Variants in TRPM6 observed in about 807,000 individuals in gnomAD.
TRPM6 encodes transient receptor potential cation channel subfamily M member 6.
TRPM6 carries 111 observed loss-of-function variants against 247.6 expected under a neutral mutation model. The ratio of observed to expected loss-of-function variants is 0.45; its 90% CI spans 0.38 to 0.52. The LOEUF (loss-of-function observed/expected upper bound fraction) is 0.52, where lower values mean the gene tolerates loss of function less well. Ranked by LOEUF, TRPM6 falls within the 20% of genes least tolerant of loss-of-function variation. The pLI is 0.00. For missense variants in TRPM6, 2,126 were observed against 2,421.5 expected (o/e 0.88, Z 2.56); for synonymous variants, 892 against 853.8 (o/e 1.04, Z -0.78).
intron 3 of TRPM6, among the ~76,000 whole-genome samples, 196 bp downstream of exon 3, chr9:74,855,331 A>G (rs542934210): frequency 1.3e-5 from 2 of 152,346 alleles, no homozygotes; most frequent in East Asian, 3.9e-4. Context: ...GCCAATTTAC[A>G]TGTCTCAGTA....
intron 1 of TRPM6, among the ~76,000 whole-genome samples, chr9:74,866,055 C>T (rs1213136887): frequency 6.6e-6 from 1 of 152,184 alleles, no homozygotes; most frequent in Admixed American, 6.5e-5. Flanking sequence ...AATCCCAGCA[C>T]TTTGGGAGGC....
chr9:74,787,964 C>G (rs993819167), intron 20 of TRPM6, among the ~76,000 whole-genome samples: 1 of 152,110 alleles, frequency 6.6e-6, no homozygotes, highest in Non-Finnish European at 1.5e-5. Flanking sequence ...ATCTGCCTGC[C>G]TCGGCCTCCC....
chr9:74,761,612 C>T, intron 27 of TRPM6, 84 bp downstream of exon 27: 1 of 852,654 alleles, frequency 1.2e-6, no homozygotes, highest in Non-Finnish European at 2.0e-6. Flanking sequence ...GTAGATGGCA[C>T]TTTACAGTAA....
At chr9:74,828,082 G>GA in intron 6 of TRPM6, 133 bp from the exon 7 acceptor site, 2 of 926,194 alleles carry the variant, frequency 2.2e-6, no homozygotes, top group East Asian at 2.5e-5. Context: ...GGCCAGGCAT[G>GA]GTGGCTCATG....
chr9:74,820,498 A>G (rs1829100101), intron 8 of TRPM6, 71 bp from the exon 9 acceptor site: 3 of 1,582,210 alleles, frequency 1.9e-6, no homozygotes, highest in African/African-American at 1.3e-5. Flanking sequence ...GTACAAGAAA[A>G]CACCCCATCA....
intron 18 of TRPM6, among the ~76,000 whole-genome samples, chr9:74,794,691 A>C (rs562701689): frequency 1.3e-5 from 2 of 152,170 alleles, no homozygotes; most frequent in African/African-American, 2.4e-5. Flanking sequence ...GACAGTTTGG[A>C]GTGAATTATA....
intron 32 of TRPM6, among the ~76,000 whole-genome samples, chr9:74,743,743 C>G (rs1263397815): frequency 6.6e-6 from 1 of 152,206 alleles, no homozygotes; most frequent in Non-Finnish European, 1.5e-5. Flanking sequence ...CCTCAAGGAA[C>G]TACTTTCAGG....
At chr9:74,820,573 C>T (rs1039762901) in intron 8 of TRPM6, 146 bp from the exon 9 acceptor site, 10 of 979,604 alleles carry the variant, frequency 1.0e-5, no homozygotes, top group African/African-American at 3.2e-5. Context: ...GGGGAGCAAA[C>T]GGAAGCAGGA....
At chr9:74,866,276 A>G (rs1483545678) in intron 1 of TRPM6, among the ~76,000 whole-genome samples, 2 of 152,234 alleles carry the variant, frequency 1.3e-5, no homozygotes, top group Non-Finnish European at 2.9e-5. Context: ...CACAAAGAAG[A>G]CACAACTGGA....
In TRPM6 at chr9:74,851,758, A is replaced by AT. The variant is rs200466068; in HGVS notation, c.152+3768_152+3769insA. On this transcript the variant is annotated intron_variant, in intron 3 of 38. Transcript: ENST00000360774. ...AGCTAGACTTTGTCTCAAAAAAAAAAAAAAAATATATATATATAATACATA... is the reference window on the plus strand; with the variant it reads ...AGCTAGACTTTGTCTCAAAAAAAAAATAAAAAATATATATATATAATACATA... Among the ~76,000 whole-genome samples the AT allele has an allele frequency of 2.2e-3, 303 of 139,454 alleles. 3 individuals carry two copies. Among genetic ancestry groups the AT allele is most frequent in the African/African-American group, 7.8e-3 (293 of 37,802 alleles). 91.5% of individuals were successfully genotyped at this position (139,454 alleles called of 152,430 possible). A position where few individuals can be genotyped will look rare whatever the true frequency, so the allele number is the denominator to read the frequency against.
chr9:74,867,028 T>C (rs971526639), intron 1 of TRPM6, among the ~76,000 whole-genome samples: 1 of 152,234 alleles, frequency 6.6e-6, no homozygotes, highest in Non-Finnish European at 1.5e-5. Context: ...CACTGTCTTA[T>C]GTTTTTGCAA....
intron 6 of TRPM6, among the ~76,000 whole-genome samples, chr9:74,831,179 C>T (rs962471783): frequency 2.6e-5 from 4 of 152,032 alleles, no homozygotes; most frequent in Non-Finnish European, 5.9e-5. Flanking sequence ...CCTTGGCCTC[C>T]AGATGTGCTC....
intron 1 of TRPM6, 146 bp downstream of exon 1, chr9:74,887,678 C>G (rs541605301): frequency 1.9e-6 from 3 of 1,604,596 alleles, no homozygotes; most frequent in East Asian, 4.5e-5. Flanking sequence ...AACTTGAAAG[C>G]CGGTATTTCA....
At chr9:74,819,624 T>TA (rs1448253022) in intron 9 of TRPM6, among the ~76,000 whole-genome samples, 9 of 152,254 alleles carry the variant, frequency 5.9e-5, no homozygotes, top group Non-Finnish European at 1.0e-4. Context: ...CTCCATTTTT[T>TA]ATCCCAGAGT....
Position 74,750,596 on chromosome 9 carries a change from T to G in TRPM6, c.5057+68A>C, listed in dbSNP as rs1363208036. 4 of 1,357,758 alleles carry G rather than the reference T, an allele frequency of 2.9e-6. No homozygotes were observed. The South Asian group carries it at 4.7e-5, about 16-fold the overall frequency. The allele number at this position is 1,357,758 out of a possible 1,614,324, so 84.1% of individuals were successfully genotyped here. A position where few individuals can be genotyped will look rare whatever the true frequency, so the allele number is the denominator to read the frequency against. On this transcript the variant is annotated intron_variant, in intron 30 of 38. Transcript: ENST00000360774. ...CTCCCTTTCTGACTAAATTAAACCT[T>G]TGCTCCTAACCAAGTTAAAAAAATG...
At chr9:74,828,507 C>G (rs1045394273) in intron 6 of TRPM6, among the ~76,000 whole-genome samples, 1 of 152,128 alleles carries the variant, frequency 6.6e-6, no homozygotes, top group Non-Finnish European at 1.5e-5. Flanking sequence ...AGATTCACAA[C>G]ACAAGTTCAA....
chr9:74,805,266 T>C (rs1828490468), intron 14 of TRPM6, among the ~76,000 whole-genome samples: 1 of 152,210 alleles, frequency 6.6e-6, no homozygotes. Flanking sequence ...AGATTCATTT[T>C]CACCTTGCTA....
At position 74,817,071 on chromosome 9, in the gene TRPM6, A is replaced by T. The variant is rs969097214; in HGVS notation, c.1135-107T>A. On this transcript the variant is annotated intron_variant, in intron 9 of 38. Coordinates refer to ENST00000360774, the MANE Select transcript of TRPM6 (RefSeq NM_017662.5). ...CTGGAGCTAATGAATTGAGGAAAAC[A>T]TTCTTCTTTAAAACCTTTTTTTACT... 6 of 1,048,804 alleles carry T rather than the reference A, an allele frequency of 5.7e-6. No individual in the cohort carries two copies. In the South Asian group the frequency reaches 6.4e-5, roughly 11 times the overall value. 65.0% of individuals were successfully genotyped at this position (1,048,804 alleles called of 1,614,324 possible). A position where few individuals can be genotyped will look rare whatever the true frequency, so the allele number is the denominator to read the frequency against.
intron 18 of TRPM6, among the ~76,000 whole-genome samples, chr9:74,793,081 G>A (rs532916719): frequency 5.3e-5 from 8 of 152,130 alleles, no homozygotes; most frequent in East Asian, 1.9e-4. Flanking sequence ...GCTTGAACCC[G>A]GGAGGCAGAG....
Sources: allele counts gnomAD v4.1 joint callset (sites outside exome capture counted in the v4.1 genomes callset), GRCh38; gene constraint gnomAD v4.1.1; transcripts MANE v1.5; gene names NCBI Gene and HGNC (gene_info 2026-07-23, HGNC 2026-07-21).